The following ATXN7L1 variants were observed in gnomAD, a reference collection of about 807,000 sequenced individuals.
The protein encoded by ATXN7L1 is ataxin-7-like protein 1.
Under a neutral mutation model 70.8 loss-of-function variants are expected in ATXN7L1, and 15 were observed. The observed-to-expected ratio is 0.21, with a 90% confidence interval of 0.14 to 0.33. The LOEUF (loss-of-function observed/expected upper bound fraction) is 0.33. Ranked by LOEUF, ATXN7L1 falls within the 10% of genes least tolerant of loss-of-function variation. The probability of loss-of-function intolerance (pLI) is 1.00; values close to 1 mark genes in which losing one functional copy is unlikely to be tolerated. For missense variants in ATXN7L1, 975 were observed against 1,097.1 expected (o/e 0.89, Z 1.57); for synonymous variants, 440 against 445.1 (o/e 0.99, Z 0.14).
At chr7:105,677,844 C>T in intron 3 of ATXN7L1, 1 of 723,914 alleles carries the variant, frequency 1.4e-6, no homozygotes, top group Non-Finnish European at 1.7e-6. Context: ...TCTATCTGTA[C>T]CAGTGTCTAC....
intron 2 of ATXN7L1, among the ~76,000 whole-genome samples, chr7:105,858,146 G>T (rs759055919): frequency 2.0e-5 from 3 of 152,090 alleles, no homozygotes; most frequent in Non-Finnish European, 2.9e-5. Context: ...TGGGAGCATC[G>T]CTTGAATCAA....
At chr7:105,697,698 T>C (rs1791923126) in intron 3 of ATXN7L1, among the ~76,000 whole-genome samples, 1 of 152,220 alleles carries the variant, frequency 6.6e-6, no homozygotes, top group Non-Finnish European at 1.5e-5. Context: ...GTGATAAGTG[T>C]CCATGAAATC....
chr7:105,691,963 G>C (rs1396063946), intron 3 of ATXN7L1, among the ~76,000 whole-genome samples: 1 of 152,222 alleles, frequency 6.6e-6, no homozygotes, highest in Non-Finnish European at 1.5e-5. Flanking sequence ...AAAGCGAACC[G>C]GCTGCCTCGT....
chr7:105,621,149 T>C (rs1283312131), intron 8 of ATXN7L1, among the ~76,000 whole-genome samples: 1 of 152,210 alleles, frequency 6.6e-6, no homozygotes, highest in Non-Finnish European at 1.5e-5. Context: ...CAATCAGTCT[T>C]TGTAGGCTGT....
rs1488734994 is a variant in ATXN7L1, at chr7:105,638,474, T to C, written c.1081A>G (p.Ile361Val). 2 of 1,552,324 alleles carry C rather than the reference T, an allele frequency of 1.3e-6. No individual in the cohort carries two copies. Among genetic ancestry groups the C allele is most frequent in the East Asian group, 4.9e-5 (2 of 40,916 alleles). Residue 361 changes from isoleucine (I) to valine (V), a missense_variant, in exon 7 of 12, where the codon ATA (isoleucine) becomes GTA (valine). Transcript: ENST00000419735. ...GCCGGCCCGGATTGGCTTGGAAGTA[T>C]TTCCCTCGTGGAAGTCAGGAGATGC... ...KEHLLTSTRE[I>V]LPSQSGPAQD... is the part of the protein sequence containing the mutation.
In ATXN7L1 at chr7:105,629,471, T is replaced by G. The variant is rs972490616; in HGVS notation, c.1203-5204A>C. Among the ~76,000 whole-genome samples the G allele has an allele frequency of 2.0e-5, 3 of 148,170 alleles. No individual in the cohort carries two copies. In the Admixed American group the frequency reaches 2.0e-4, roughly 10 times the overall value. On this transcript the variant is annotated intron_variant, in intron 7 of 11. Transcript: ENST00000419735. ...TTTATTGTTAAATAATATATATAAT[T>G]ATATATTATTTTTTATATATATGTA... is the stretch of plus-strand genomic sequence containing the variant.
At chr7:105,638,798 A>G (rs1797738832) in intron 6 of ATXN7L1, among the ~76,000 whole-genome samples, 189 bp from the exon 7 acceptor site, 1 of 152,006 alleles carries the variant, frequency 6.6e-6, no homozygotes, top group Non-Finnish European at 1.5e-5. Flanking sequence ...CATGCCCTAC[A>G]CTCCTGGTGT....
intron 3 of ATXN7L1, among the ~76,000 whole-genome samples, chr7:105,736,872 C>A (rs993154091): frequency 6.6e-6 from 1 of 152,170 alleles, no homozygotes; most frequent in Non-Finnish European, 1.5e-5. Context: ...GTTAAGATAA[C>A]CTTTTTTTCT....
At chr7:105,722,888 GAAATA>G (rs140633734) in intron 3 of ATXN7L1, among the ~76,000 whole-genome samples, 4 of 151,486 alleles carry the variant, frequency 2.6e-5, no homozygotes, top group Admixed American at 6.6e-5. Context: ...CCGGCTCAAA[GAAATA>G]AAATAAAATA....
chr7:105,733,505 T>TCATCCATCCAC (rs1563048362), intron 3 of ATXN7L1, among the ~76,000 whole-genome samples: 85 of 117,766 alleles, frequency 7.2e-4, no homozygotes, highest in Middle Eastern at 4.3e-3. Context: ...CATCCATCCT[T>TCATCCATCCAC]CCATCCATCC....
rs1267085872 is a variant in ATXN7L1, at chr7:105,662,019, TTTCTTTCTTTCCTTCCTTCCTTCC to T, written c.578+3023_578+3046del. Among the ~76,000 whole-genome samples, 559 of 77,970 alleles carry T rather than the reference TTTCTTTCTTTCCTTCCTTCCTTCC, an allele frequency of 7.2e-3. 9 individuals are homozygous for T. Among genetic ancestry groups the T allele is most frequent in the South Asian group, 0.036 (72 of 2,000 alleles). 51.2% of individuals were successfully genotyped at this position (77,970 alleles called of 152,430 possible). A position where few individuals can be genotyped will look rare whatever the true frequency, so the allele number is the denominator to read the frequency against. ...TTCTTTAGATTCTTTCTTTTCTTTC[TTTCTTTCTTTCCTTCCTTCCTTCC>T]TTCCTTCCTTCCTTCCTTCCTTCCT... On this transcript the variant is annotated intron_variant, in intron 4 of 11. Coordinates refer to ENST00000419735, the MANE Select transcript of ATXN7L1 (RefSeq NM_020725.2).
At chr7:105,705,238 C>A (rs2116249757) in intron 3 of ATXN7L1, among the ~76,000 whole-genome samples, 1 of 152,166 alleles carries the variant, frequency 6.6e-6, no homozygotes, top group East Asian at 1.9e-4. Context: ...GTTGGCCAGG[C>A]TAGTCTTGAA....
chr7:105,664,530 AAT>A (rs1277215091), intron 4 of ATXN7L1, among the ~76,000 whole-genome samples: 6 of 140,356 alleles, frequency 4.3e-5, no homozygotes, highest in South Asian at 2.2e-4. Context: ...ACATATGTAT[AAT>A]ATATATATGT....
chr7:105,780,366 CCT>C (rs1352888282), intron 3 of ATXN7L1, among the ~76,000 whole-genome samples: 1 of 152,134 alleles, frequency 6.6e-6, no homozygotes, highest in Non-Finnish European at 1.5e-5. Flanking sequence ...TTCTGCTCAG[CCT>C]CTCTGCTTTA....
chr7:105,759,573 A>G (rs911176246), intron 3 of ATXN7L1, among the ~76,000 whole-genome samples: 1 of 151,992 alleles, frequency 6.6e-6, no homozygotes, highest in Non-Finnish European at 1.5e-5. Flanking sequence ...GAAAATGCTC[A>G]GAGAAATGTG....
At chr7:105,813,277 T>A (rs1808695693) in intron 2 of ATXN7L1, among the ~76,000 whole-genome samples, 1 of 151,916 alleles carries the variant, frequency 6.6e-6, no homozygotes, top group South Asian at 2.1e-4. Flanking sequence ...CAGTTCTTAG[T>A]AAACCCAGGT....
At chr7:105,836,922 G>A (rs533174396) in intron 2 of ATXN7L1, among the ~76,000 whole-genome samples, 2 of 152,278 alleles carry the variant, frequency 1.3e-5, no homozygotes, top group Admixed American at 6.5e-5. Flanking sequence ...GCCGGGTGTG[G>A]TGGTGTGTGC....
At chr7:105,640,421 T>C (rs969782105) in intron 5 of ATXN7L1, among the ~76,000 whole-genome samples, 1 of 152,132 alleles carries the variant, frequency 6.6e-6, no homozygotes, top group Non-Finnish European at 1.5e-5. Flanking sequence ...TGTGCGGAGG[T>C]TACTTCTAAG....
intron 2 of ATXN7L1, among the ~76,000 whole-genome samples, chr7:105,850,824 C>T (rs907211785): frequency 9.9e-5 from 15 of 152,180 alleles, no homozygotes; most frequent in African/African-American, 2.9e-4. Context: ...AGTGGGGGCC[C>T]TGGTGTGTAG....
Sources: allele counts gnomAD v4.1 joint callset (sites outside exome capture counted in the v4.1 genomes callset), GRCh38; gene constraint gnomAD v4.1.1; transcripts MANE v1.5; gene names NCBI Gene and HGNC (gene_info 2026-07-23, HGNC 2026-07-21).